FGGY: variants seen among roughly 807,000 people sequenced by gnomAD.
FGGY encodes the protein FGGY carbohydrate kinase domain containing.
A neutral mutation model predicts 71.3 loss-of-function variants in FGGY; 72 were observed. That is an observed-to-expected ratio of 1.01 (90% CI 0.84 to 1.23). The LOEUF is 1.23. Ranked by LOEUF, FGGY falls within the 50% of genes most tolerant of loss-of-function variation. FGGY has a pLI of 0.00. For missense variants in FGGY, 668 were observed against 682.3 expected (o/e 0.98, Z 0.23); for synonymous variants, 251 against 250.3 (o/e 1.00, Z -0.02).
At chr1:59,587,694 A>G (rs2096333569) in intron 8 of FGGY, among the ~76,000 whole-genome samples, 2 of 152,202 alleles carry the variant, frequency 1.3e-5, no homozygotes, top group African/African-American at 4.8e-5. Flanking sequence ...CAGGGTCTGG[A>G]GTGGACCTCT....
intron 8 of FGGY, among the ~76,000 whole-genome samples, chr1:59,594,064 A>G (rs893557189): frequency 1.3e-5 from 2 of 152,236 alleles, no homozygotes; most frequent in Non-Finnish European, 1.5e-5. Context: ...AAGTGTAAAC[A>G]TCTGATGTCT....
chr1:59,605,252 T>C (rs139947507), intron 8 of FGGY, among the ~76,000 whole-genome samples: 181 of 152,346 alleles, frequency 1.2e-3, no homozygotes, highest in African/African-American at 4.2e-3. Context: ...ATTTGTGTAA[T>C]GATCTGATTA....
At chr1:59,754,028 C>T (rs1421534899) in intron 14 of FGGY, among the ~76,000 whole-genome samples, 2 of 152,180 alleles carry the variant, frequency 1.3e-5, no homozygotes, top group Non-Finnish European at 2.9e-5. Flanking sequence ...CTGGAGTCTG[C>T]CAGAAACGAG....
intron 1 of FGGY, among the ~76,000 whole-genome samples, chr1:59,312,289 TG>T (rs1325486361): frequency 6.6e-6 from 1 of 152,234 alleles, no homozygotes; most frequent in Non-Finnish European, 1.5e-5. Flanking sequence ...GGCATTTTTT[TG>T]CAATTGCTTC....
At chr1:59,653,500 G>T (rs1348226723) in intron 11 of FGGY, among the ~76,000 whole-genome samples, 3 of 152,108 alleles carry the variant, frequency 2.0e-5, no homozygotes, top group East Asian at 3.9e-4. Context: ...TATTCGGGTG[G>T]GAGTGACCCG....
intron 8 of FGGY, among the ~76,000 whole-genome samples, chr1:59,576,652 T>TTATC (rs143224889): frequency 0.13 from 18,487 of 138,642 alleles, 1,382 homozygotes; most frequent in South Asian, 0.24. Flanking sequence ...TTGCTAGAGA[T>TTATC]TACAGACAGA....
At chr1:59,733,464 T>TTTTTTTTG (rs2098065849) in intron 14 of FGGY, among the ~76,000 whole-genome samples, 1 of 144,638 alleles carries the variant, frequency 6.9e-6, no homozygotes, top group Admixed American at 6.7e-5. Flanking sequence ...TTGTTTTGTT[T>TTTTTTTTG]TTTTGTTTTG....
At chr1:59,465,096 C>A (rs976548683) in intron 6 of FGGY, among the ~76,000 whole-genome samples, 1 of 152,148 alleles carries the variant, frequency 6.6e-6, no homozygotes, top group Non-Finnish European at 1.5e-5. Flanking sequence ...TGATGAACAT[C>A]GATGCAGAAA....
chr1:59,672,462 C>G (rs184927627), intron 13 of FGGY, among the ~76,000 whole-genome samples: 190 of 152,324 alleles, frequency 1.2e-3, no homozygotes, highest in Middle Eastern at 3.4e-3. Context: ...CATTTGGGAA[C>G]CAAGGCTTAA....
At chr1:59,614,541 C>A (rs940697074) in intron 9 of FGGY, among the ~76,000 whole-genome samples, 5 of 152,158 alleles carry the variant, frequency 3.3e-5, no homozygotes, top group African/African-American at 1.2e-4. Context: ...CAGCCAATAT[C>A]ATACTGAATG....
intron 8 of FGGY, among the ~76,000 whole-genome samples, chr1:59,562,085 G>T (rs892677806): frequency 1.3e-5 from 2 of 152,156 alleles, no homozygotes; most frequent in African/African-American, 4.8e-5. Flanking sequence ...TTGGAAAATG[G>T]TTTAGCAGTT....
chr1:59,538,537 A>G (rs549791239), intron 7 of FGGY, among the ~76,000 whole-genome samples: 1 of 147,396 alleles, frequency 6.8e-6, no homozygotes, highest in East Asian at 2.0e-4. Flanking sequence ...ATAAAGACAC[A>G]TGCACACGTA....
In FGGY at chr1:59,539,846, A is replaced by G. The variant is rs180874449; in HGVS notation, c.800-14278A>G. Among the ~76,000 whole-genome samples the G allele has an allele frequency of 1.6e-3, 243 of 152,368 alleles. 2 individuals carry two copies. Among genetic ancestry groups the G allele is most frequent in the African/African-American group, 5.5e-3 (230 of 41,586 alleles). On this transcript the variant is annotated intron_variant, in intron 7 of 15. Coordinates refer to ENST00000303721, the MANE Select transcript of FGGY (RefSeq NM_018291.5). ...GTGGAAGGAAATAGTTGCAATGCAT[A>G]TAACAAAAGATGTGTATCCAGAGTA...
chr1:59,352,821 A>G (rs1287195911), intron 4 of FGGY, among the ~76,000 whole-genome samples: 1 of 152,208 alleles, frequency 6.6e-6, no homozygotes, highest in African/African-American at 2.4e-5. Context: ...TTGATGACAT[A>G]ATAACACCTT....
At chr1:59,452,602 T>C (rs2091293671) in intron 5 of FGGY, among the ~76,000 whole-genome samples, 1 of 152,234 alleles carries the variant, frequency 6.6e-6, no homozygotes, top group African/African-American at 2.4e-5. Flanking sequence ...TGTTTTTGTT[T>C]TGCCTACTCA....
At chr1:59,627,078 G>A (rs2096863990) in intron 10 of FGGY, among the ~76,000 whole-genome samples, 1 of 151,852 alleles carries the variant, frequency 6.6e-6, no homozygotes, top group Admixed American at 6.6e-5. Context: ...TAGATAACCA[G>A]GATATATGTG....
At chr1:59,641,831 T>C (rs1274722049) in intron 11 of FGGY, among the ~76,000 whole-genome samples, 29 of 152,230 alleles carry the variant, frequency 1.9e-4, no homozygotes. Context: ...TGTGATCCAC[T>C]GTGGAAACAG....
intron 7 of FGGY, among the ~76,000 whole-genome samples, chr1:59,525,592 A>C (rs557833289): frequency 6.6e-6 from 1 of 152,370 alleles, no homozygotes; most frequent in South Asian, 2.1e-4. Context: ...ATTGCAGTAA[A>C]GTTACATTAT....
At chr1:59,458,673 TGTTAA>T (rs1208001716) in intron 6 of FGGY, among the ~76,000 whole-genome samples, 1 of 152,190 alleles carries the variant, frequency 6.6e-6, no homozygotes, top group East Asian at 1.9e-4. Context: ...ATTTTTTCCC[TGTTAA>T]GTTAATGGAT....
Sources: allele counts gnomAD v4.1 joint callset (sites outside exome capture counted in the v4.1 genomes callset), GRCh38; gene constraint gnomAD v4.1.1; transcripts MANE v1.5; gene names NCBI Gene and HGNC (gene_info 2026-07-23, HGNC 2026-07-21).